ZMAT4: variants seen among roughly 807,000 people sequenced by gnomAD.
ZMAT4 encodes zinc finger matrin-type 4.
ZMAT4 carries 17 observed loss-of-function variants against 28.7 expected under a neutral mutation model. That is an observed-to-expected ratio of 0.59 (90% CI 0.41 to 0.89). The LOEUF (loss-of-function observed/expected upper bound fraction) is 0.89, where lower values mean the gene tolerates loss of function less well. Among genes scored for constraint, ZMAT4 ranks in the 40% least tolerant of loss-of-function variants. ZMAT4 has a pLI of 0.00. For missense variants in ZMAT4, 240 were observed against 283.8 expected (o/e 0.85, Z 1.11); for synonymous variants, 117 against 109.2 (o/e 1.07, Z -0.44).
At chr8:40,725,124 C>G (rs1418806713) in intron 3 of ZMAT4, among the ~76,000 whole-genome samples, 2 of 152,162 alleles carry the variant, frequency 1.3e-5, no homozygotes, top group African/African-American at 4.8e-5. Flanking sequence ...GGGAAGTCAT[C>G]AAAAATTCCT....
chr8:40,550,510 C>T (rs1472666580), intron 6 of ZMAT4, among the ~76,000 whole-genome samples: 1 of 152,186 alleles, frequency 6.6e-6, no homozygotes, highest in Non-Finnish European at 1.5e-5. Flanking sequence ...TGTGTCTCCA[C>T]CCAAATCTCA....
At chr8:40,679,791 A>G (rs1169894793) in intron 4 of ZMAT4, among the ~76,000 whole-genome samples, 1 of 152,234 alleles carries the variant, frequency 6.6e-6, no homozygotes, top group East Asian at 1.9e-4. Context: ...TGTCTAACAT[A>G]TTCTACAACC....
intron 1 of ZMAT4, among the ~76,000 whole-genome samples, chr8:40,883,601 G>T (rs1159625903): frequency 6.6e-6 from 1 of 152,146 alleles, no homozygotes; most frequent in Non-Finnish European, 1.5e-5. Flanking sequence ...GTTAGAGAAG[G>T]TGGCCTTCCT....
intron 5 of ZMAT4, among the ~76,000 whole-genome samples, chr8:40,590,881 C>A (rs1332730857): frequency 6.6e-6 from 1 of 152,098 alleles, no homozygotes; most frequent in Non-Finnish European, 1.5e-5. Flanking sequence ...CCATTAGGTT[C>A]CATCTCAATG....
chr8:40,591,304 C>G (rs1804885912), intron 5 of ZMAT4, among the ~76,000 whole-genome samples: 3 of 152,180 alleles, frequency 2.0e-5, no homozygotes, highest in Non-Finnish European at 4.4e-5. Context: ...CATTGCTAAT[C>G]TGCTGTCTCA....
intron 2 of ZMAT4, among the ~76,000 whole-genome samples, chr8:40,788,952 A>T (rs1382609304): frequency 1.3e-5 from 2 of 149,148 alleles, no homozygotes; most frequent in East Asian, 4.0e-4. Flanking sequence ...TATCATACCT[A>T]CAGAAAGAGA....
intron 6 of ZMAT4, among the ~76,000 whole-genome samples, chr8:40,558,767 G>A (rs2722412): frequency 1.3e-5 from 2 of 152,202 alleles, no homozygotes; most frequent in South Asian, 4.1e-4. Context: ...ACGGGCTCCC[G>A]CTTCTTGGCC....
intron 1 of ZMAT4, among the ~76,000 whole-genome samples, chr8:40,833,336 G>A (rs748054249): frequency 9.2e-5 from 14 of 152,174 alleles, no homozygotes; most frequent in African/African-American, 2.6e-4. Context: ...ATGAGAGGCC[G>A]AGGTGGGCAG....
chr8:40,562,068 G>A (rs571575428), intron 6 of ZMAT4, among the ~76,000 whole-genome samples: 3 of 152,260 alleles, frequency 2.0e-5, no homozygotes, highest in Admixed American at 1.3e-4. Context: ...TACTTTGGAC[G>A]ATACGTCTTC....
At chr8:40,800,923 T>A (rs1814804168) in intron 2 of ZMAT4, among the ~76,000 whole-genome samples, 1 of 151,868 alleles carries the variant, frequency 6.6e-6, no homozygotes, top group Non-Finnish European at 1.5e-5. Context: ...GAGAAAATTA[T>A]CACAACCAAA....
chr8:40,820,663 G>A (rs373008750), intron 2 of ZMAT4, among the ~76,000 whole-genome samples: 4,608 of 47,836 alleles, frequency 0.096, 99 homozygotes, highest in South Asian at 0.15. Context: ...GTGTGTTTAC[G>A]TGTATGTGTG....
chr8:40,651,334 T>C (rs200840339), intron 5 of ZMAT4, among the ~76,000 whole-genome samples: 23 of 152,216 alleles, frequency 1.5e-4, no homozygotes, highest in Middle Eastern at 3.4e-3. Flanking sequence ...ACAATTGCTT[T>C]AAAGAGAATA....
intron 1 of ZMAT4, among the ~76,000 whole-genome samples, chr8:40,868,416 G>A (rs1035499009): frequency 1.3e-5 from 2 of 152,128 alleles, no homozygotes; most frequent in East Asian, 1.9e-4. Flanking sequence ...AACCACAGGG[G>A]AGGAAGTAAA....
At chr8:40,802,207 G>A (rs142043751) in intron 2 of ZMAT4, among the ~76,000 whole-genome samples, 1,586 of 152,248 alleles carry the variant, frequency 0.01, 23 homozygotes, top group Middle Eastern at 0.024. Context: ...TTTCAGCATC[G>A]TACTGAAAGT....
chr8:40,581,095 T>C (rs1035861623), intron 6 of ZMAT4, 70 bp downstream of exon 6: 1 of 1,251,984 alleles, frequency 8.0e-7, no homozygotes, highest in African/African-American at 1.5e-5. Flanking sequence ...AGATGAAATG[T>C]TGAGCCTTTA....
chr8:40,633,744 T>A (rs1001296278), intron 5 of ZMAT4, among the ~76,000 whole-genome samples: 2 of 152,150 alleles, frequency 1.3e-5, no homozygotes, highest in Non-Finnish European at 2.9e-5. Context: ...GGGAATGAGA[T>A]GATTCTATAG....
chr8:40,888,784 G>A (rs983743765), intron 1 of ZMAT4, among the ~76,000 whole-genome samples: 20 of 152,252 alleles, frequency 1.3e-4, no homozygotes, highest in Non-Finnish European at 5.9e-5. Flanking sequence ...CCTCGGGGGG[G>A]CCCGCAGTAC....
chr8:40,731,743 C>T (rs1482067335), intron 3 of ZMAT4, among the ~76,000 whole-genome samples: 2 of 152,042 alleles, frequency 1.3e-5, no homozygotes, highest in Non-Finnish European at 2.9e-5. Flanking sequence ...TGAATAAAGT[C>T]GAAATAAGAA....
intron 5 of ZMAT4, among the ~76,000 whole-genome samples, chr8:40,603,299 C>T (rs1323538659): frequency 6.6e-6 from 1 of 152,136 alleles, no homozygotes; most frequent in Non-Finnish European, 1.5e-5. Context: ...ATTTTTACAC[C>T]AGTACCATTC....
Sources: allele counts gnomAD v4.1 joint callset (sites outside exome capture counted in the v4.1 genomes callset), GRCh38; gene constraint gnomAD v4.1.1; transcripts MANE v1.5; gene names NCBI Gene and HGNC (gene_info 2026-07-23, HGNC 2026-07-21).